The following THSD1 variants were observed in gnomAD, a reference collection of about 807,000 sequenced individuals.
THSD1 encodes the protein thrombospondin type-1 domain-containing protein 1.
A neutral mutation model predicts 46.3 loss-of-function variants in THSD1; 34 were observed. The ratio of observed to expected loss-of-function variants is 0.74; its 90% CI spans 0.56 to 0.98. The LOEUF is 0.98. Among genes scored for constraint, THSD1 ranks in the 50% least tolerant of loss-of-function variants. The pLI is 0.00. For missense variants in THSD1, 1,023 were observed against 1,058.3 expected, an observed-to-expected ratio of 0.97 and a Z score of 0.46; for synonymous variants, 407 against 416.5, an observed-to-expected ratio of 0.98 and a Z score of 0.28.
At chr13:52,397,190 G>T in intron 3 of THSD1, 42 bp downstream of exon 3, 1 of 1,467,112 alleles carries the variant, frequency 6.8e-7, no homozygotes, top group East Asian at 2.3e-5. Flanking sequence ...TTGATTACAT[G>T]AAGGATTTGA....
chr13:52,392,989 CAG>C (rs901786430), intron 3 of THSD1, among the ~76,000 whole-genome samples: 6 of 151,962 alleles, frequency 3.9e-5, no homozygotes, highest in African/African-American at 1.4e-4. Context: ...GAGGAAAAAA[CAG>C]AGCCTTTTTT....
At chr13:52,379,616 A>G (rs1479447669) in intron 4 of THSD1, among the ~76,000 whole-genome samples, 3 of 152,082 alleles carry the variant, frequency 2.0e-5, no homozygotes, top group Middle Eastern at 3.2e-3. Context: ...CTGGAACTAT[A>G]GGCGCATGCC....
chr13:52,385,470 A>T (rs578065991), intron 4 of THSD1, among the ~76,000 whole-genome samples: 2 of 152,336 alleles, frequency 1.3e-5, no homozygotes, highest in African/African-American at 4.8e-5. Context: ...GAAGATGCTT[A>T]GAAGATACAG....
intron 4 of THSD1, among the ~76,000 whole-genome samples, chr13:52,381,431 C>T (rs1213823945): frequency 1.3e-5 from 2 of 152,152 alleles, no homozygotes; most frequent in African/African-American, 4.8e-5. Context: ...CCCTAAAACA[C>T]CTGCTTCCAA....
chr13:52,400,657 C>G (rs1957849404), intron 2 of THSD1, among the ~76,000 whole-genome samples: 1 of 152,126 alleles, frequency 6.6e-6, no homozygotes, highest in Admixed American at 6.6e-5. Flanking sequence ...CACATCCTGA[C>G]TACTGTAATA....
rs1275294512 is a variant in THSD1 at position 52,380,672 on chromosome 13, TCTCCTGAC to T, written c.1181-1891_1181-1884del. ...ACCATGTTAGCCAGGATGGCCTCGA[TCTCCTGAC>T]CTCGTGATCTGCCTAACTTGGCCTC... On this transcript the variant is annotated intron_variant, in intron 4 of 4. Coordinates refer to ENST00000258613, the MANE Select transcript of THSD1 (RefSeq NM_018676.4). Among the ~76,000 whole-genome samples the T allele has an allele frequency of 2.6e-5, 4 of 152,076 alleles. No homozygotes were observed. In the East Asian group the frequency reaches 7.7e-4, roughly 29 times the overall value.
In THSD1 at chr13:52,397,220, C is replaced by G. The variant is rs1402396077; in HGVS notation, c.1021+12G>C. ...ATTTGATTTAAAATGTTAAAAAAAT[C>G]TCAATACAAACCTGTATTTCTCTGA... On this transcript the variant is annotated intron_variant, in intron 3 of 4. Transcript: ENST00000258613. 1.3e-6 allele frequency: 2 copies of G among 1,525,978 alleles called. No individual in the cohort carries two copies. Among genetic ancestry groups the G allele is most frequent in the South Asian group, 2.6e-5 (2 of 76,666 alleles). 94.5% of individuals were successfully genotyped at this position (1,525,978 alleles called of 1,614,324 possible). A position where few individuals can be genotyped will look rare whatever the true frequency, so the allele number is the denominator to read the frequency against.
chr13:52,388,356 T>C, intron 3 of THSD1, among the ~76,000 whole-genome samples: 1 of 152,136 alleles, frequency 6.6e-6, no homozygotes, highest in East Asian at 1.9e-4. Flanking sequence ...AAATCTGCAT[T>C]TATATAAAGA....
At chr13:52,395,285 G>T (rs1957803027) in intron 3 of THSD1, among the ~76,000 whole-genome samples, 2 of 152,158 alleles carry the variant, frequency 1.3e-5, no homozygotes, top group African/African-American at 4.8e-5. Flanking sequence ...AACCCAAGTG[G>T]TGTCACTGGA....
chr13:52,404,900 A>G (rs140019719), intron 1 of THSD1, among the ~76,000 whole-genome samples: 4 of 152,364 alleles, frequency 2.6e-5, no homozygotes, highest in Non-Finnish European at 5.9e-5. Context: ...ATCTATATTT[A>G]GAGCTGAATG....
At chr13:52,402,414 T>G in intron 2 of THSD1, 129 bp downstream of exon 2, 1 of 642,384 alleles carries the variant, frequency 1.6e-6, no homozygotes, top group Non-Finnish European at 2.5e-6. Context: ...AGGGTCACAG[T>G]TGAGAAAGCA....
At position 52,397,332 on chromosome 13, in the gene THSD1, C is replaced by T. The variant is rs1388049617; in HGVS notation, c.921G>A (p.Leu307=). The T allele has an allele frequency of 6.2e-7, 1 of 1,614,064 alleles. No homozygotes were observed. The highest frequency in any genetic ancestry group is 8.5e-7 in the Non-Finnish European group (1 of 1,179,952). The change falls in exon 3 of 5, where the codon TTG becomes TTA. Residue 307 remains leucine, a synonymous_variant. Transcript: ENST00000258613. ...GERRTIFNCT[L]FDMGKNKYCF... ...AGTACTTATTCTTCCCCATGTCAAA[C>T]AAAGTACAGTTAAAAATTGTCCTCC...
rs765468962 is a variant in THSD1 at position 52,377,958 on chromosome 13, G to A, written c.2012C>T (p.Ser671Phe). The change falls in exon 5 of 5, where the codon TCC becomes TTC. Residue 671 changes from serine (S) to phenylalanine (F), a missense_variant. Around this residue, in one of 3 missense-constraint regions of THSD1, gnomAD observed 578 missense variants for 497.4 expected, o/e 1.16. Transcript: ENST00000258613. ...AGGGGCCTGCCGTGGAGTCAGAGTG[G>A]ACATGCTCCTCTCTCGGAACGGCCG... ...QARPFRERSM[S>F]TLTPRQAPAY... 6.2e-7 allele frequency: 1 copy of A among 1,614,190 alleles called. No individual in the cohort carries two copies. Among genetic ancestry groups the A allele is most frequent in the African/African-American group, 1.3e-5 (1 of 75,062 alleles).
chr13:52,382,351 T>C (rs1957699566), intron 4 of THSD1, among the ~76,000 whole-genome samples: 1 of 152,172 alleles, frequency 6.6e-6, no homozygotes, highest in Admixed American at 6.5e-5. Flanking sequence ...TCCATCACCA[T>C]TGCTGGCACT....
At position 52,378,114 on chromosome 13, in the gene THSD1, C is replaced by A. The variant is rs746540845; in HGVS notation, c.1856G>T (p.Ser619Ile). The change falls in exon 5 of 5, where the codon AGC becomes ATC. Residue 619 changes from serine (S) to isoleucine (I), a missense_variant. By Grantham distance (142) the Ser-to-Ile change is moderately radical. This residue lies in a region of THSD1 where 578 missense variants were observed against 497.4 expected (regional missense o/e 1.16). Transcript: ENST00000258613. ...LNVTQASCAI[S>I]PSQTLIRKSQ... ...CTTGCGGATCAGAGTCTGGCTGGGGCTTATGGCACAACTGGCCTGAGTCAC... is the reference window on the plus strand; with the variant it reads ...CTTGCGGATCAGAGTCTGGCTGGGGATTATGGCACAACTGGCCTGAGTCAC... 1 of 1,614,208 alleles carries A rather than the reference C, an allele frequency of 6.2e-7. No individual in the cohort carries two copies. The highest frequency in any genetic ancestry group is 8.5e-7 in the Non-Finnish European group (1 of 1,180,032).
chr13:52,378,662 C>T lies in THSD1; in HGVS notation c.1308G>A (p.Trp436Ter), dbSNP rs1566959620. 1 of 1,614,108 alleles carries T rather than the reference C, an allele frequency of 6.2e-7. No homozygotes were observed. Among genetic ancestry groups the T allele is most frequent in the Non-Finnish European group, 8.5e-7 (1 of 1,180,030 alleles). ...ACTTGGCTGGCCGGCCGAACCTCCT[C>T]CACAGCGTGATGAGCACAGTGGCAA... The part of the protein sequence containing the change: ...IIIATVLITL[W>*]RRFGRPAKCS... The change falls in exon 5 of 5, where the codon TGG becomes TGA. Residue 436 changes from tryptophan (W) to a stop codon, truncating the protein, a stop_gained. Coordinates refer to ENST00000258613, the MANE Select transcript of THSD1 (RefSeq NM_018676.4). LOFTEE classifies it high-confidence loss of function.
At chr13:52,379,983 C>A (rs1450196015) in intron 4 of THSD1, among the ~76,000 whole-genome samples, 2 of 152,108 alleles carry the variant, frequency 1.3e-5, no homozygotes, top group Admixed American at 6.5e-5. Context: ...CAACTCATTT[C>A]CCCCTTCTAT....
intron 2 of THSD1, among the ~76,000 whole-genome samples, chr13:52,400,603 A>AAAAAC: frequency 6.6e-6 from 1 of 152,136 alleles, no homozygotes; most frequent in Non-Finnish European, 1.5e-5. Flanking sequence ...CCATCTCAAA[A>AAAAAC]AAACAAACAA....
rs145619936 is a variant in THSD1 at position 52,378,293 on chromosome 13, C to T, written c.1677G>A (p.Leu559=). 6.2e-6 allele frequency: 10 copies of T among 1,614,116 alleles called. No homozygotes were observed. Among genetic ancestry groups the T allele is most frequent in the African/African-American group, 1.3e-5 (1 of 74,934 alleles). Residue 559 remains leucine (L), a synonymous_variant, in exon 5 of 5, where the codon CTG becomes CTA. Coordinates refer to ENST00000258613, the MANE Select transcript of THSD1 (RefSeq NM_018676.4). ...TKVYHVSQSP[L]TDTAIDAAPS... ...GGGCCGCATCAATGGCAGTGTCTGT[C>T]AGGGGACTCTGAGACACGTGATACA...
Sources: gnomAD v4.1 joint callset for allele counts (sites outside exome capture counted in the v4.1 genomes callset) on GRCh38, gnomAD v4.1.1 for gene constraint, gnomAD v4.1.1 regional missense constraint, MANE v1.5 for transcripts, NCBI Gene and HGNC (gene_info 2026-07-23, HGNC 2026-07-21) for gene names.